The following XYLB variants were observed in gnomAD, a reference collection of about 807,000 sequenced individuals.
The protein encoded by XYLB is xylulose kinase.
A neutral mutation model predicts 78.7 loss-of-function variants in XYLB; 62 were observed. The ratio of observed to expected loss-of-function variants is 0.79; its 90% CI spans 0.64 to 0.97. The LOEUF is 0.97. Ranked by LOEUF, XYLB falls within the 50% of genes least tolerant of loss-of-function variation. The pLI is 0.00. For synonymous variants in XYLB, 245 were observed against 247.4 expected (o/e 0.99, Z 0.09); for missense variants, 687 against 676.8 (o/e 1.02, Z -0.17).
chr3:38,431,467 T>C, the XYLB span, among the ~76,000 whole-genome samples: 1 of 152,214 alleles, frequency 6.6e-6, no homozygotes, highest in African/African-American at 2.4e-5. Context: ...CGATGGGGTT[T>C]TCTAAACATA....
At position 38,379,267 on chromosome 3, in the gene XYLB, G is replaced by A; in HGVS notation, c.1216G>A (p.Val406Met). Residue 406 changes from valine to methionine, a missense_variant, in exon 15 of 19, where the codon GTG (valine) becomes ATG (methionine). Transcript: ENST00000207870. ...NHKVAAFPGD[V>M]EVRALIEGQF... ...ACAGGTTGCAGCATTCCCTGGGGAT[G>A]TGGAGGTTCGAGCACTAATTGAAGG... The A allele has an allele frequency of 6.2e-7, 1 of 1,614,156 alleles. No homozygotes were observed. Among genetic ancestry groups the A allele is most frequent in the Non-Finnish European group, 8.5e-7 (1 of 1,180,036 alleles).
At chr3:38,432,277 A>G in the XYLB span, among the ~76,000 whole-genome samples, 1 of 152,260 alleles carries the variant, frequency 6.6e-6, no homozygotes, top group Non-Finnish European at 1.5e-5. Flanking sequence ...AAAGAAAGAT[A>G]GTTACTTCTG....
chr3:38,389,894 C>T (rs1002895361), intron 15 of XYLB, among the ~76,000 whole-genome samples: 2 of 152,178 alleles, frequency 1.3e-5, no homozygotes, highest in African/African-American at 4.8e-5. Flanking sequence ...TCCATACCAG[C>T]CCAAATGTAG....
intron 9 of XYLB, 148 bp from the exon 10 acceptor site, chr3:38,372,507 G>T: frequency 6.8e-7 from 1 of 1,477,562 alleles, no homozygotes; most frequent in Middle Eastern, 1.8e-4. Context: ...GTGACAGGAA[G>T]TGATGTGACT....
intron 15 of XYLB, among the ~76,000 whole-genome samples, chr3:38,387,697 C>T (rs1390142468): frequency 6.6e-6 from 1 of 152,150 alleles, no homozygotes; most frequent in African/African-American, 2.4e-5. Context: ...TCTATCACAC[C>T]TCTTTTTATT....
chr3:38,437,008 T>A, the XYLB span, among the ~76,000 whole-genome samples: 63 of 110,374 alleles, frequency 5.7e-4, no homozygotes, highest in African/African-American at 2.0e-3. Context: ...CTTCTAAAAA[T>A]AATAATAATA....
chr3:38,383,302 C>A (rs1707236886), intron 15 of XYLB, among the ~76,000 whole-genome samples: 1 of 152,178 alleles, frequency 6.6e-6, no homozygotes, highest in Non-Finnish European at 1.5e-5. Flanking sequence ...GCTGGATTCT[C>A]AACCACTGGC....
In XYLB at chr3:38,346,889, C is replaced by T; in HGVS notation, c.21C>T (p.Arg7=). The change falls in exon 1 of 19, where the codon CGC becomes CGT. Residue 7 remains arginine, a synonymous_variant. Transcript: ENST00000207870. Reference sequence around the variant, plus strand: ...AGGCCATGGCGGAGCACGCCCCTCGCCGCTGCTGCCTGGGCTGGGACTTCA... The same window carrying T: ...AGGCCATGGCGGAGCACGCCCCTCGTCGCTGCTGCCTGGGCTGGGACTTCA... MAEHAP[R]RCCLGWDFST... is the part of the protein sequence containing the mutation. 6.6e-7 allele frequency: 1 copy of T among 1,519,718 alleles called. No homozygotes were observed. Among genetic ancestry groups the T allele is most frequent in the South Asian group, 1.2e-5 (1 of 80,806 alleles). 94.1% of individuals were successfully genotyped at this position (1,519,718 alleles called of 1,614,324 possible).
At chr3:38,426,579 A>G in the XYLB span, among the ~76,000 whole-genome samples, 1 of 152,246 alleles carries the variant, frequency 6.6e-6, no homozygotes, top group African/African-American at 2.4e-5. Flanking sequence ...AGGCTCTGCA[A>G]TTTGAATGAT....
chr3:38,361,771 C>T (rs1374469870), intron 3 of XYLB, among the ~76,000 whole-genome samples: 1 of 152,236 alleles, frequency 6.6e-6, no homozygotes, highest in Non-Finnish European at 1.5e-5. Context: ...GGCTGCACCC[C>T]ACTGCCTGCC....
At chr3:38,367,592 A>G (rs1198752041) in intron 7 of XYLB, among the ~76,000 whole-genome samples, 1 of 152,218 alleles carries the variant, frequency 6.6e-6, no homozygotes, top group East Asian at 1.9e-4. Context: ...TGTGTGTGGA[A>G]CGAAGTTTGC....
rs770912966 is a variant in XYLB at position 38,376,151 on chromosome 3, C to T, written c.1039C>T (p.Arg347Cys). The change falls in exon 13 of 19, where the codon CGC (arginine) becomes TGC (cysteine). Residue 347 changes from arginine (R) to cysteine (C), a missense_variant. Transcript: ENST00000207870. ...TGGCTCCCTCATGAGAGAGAAGATC[C>T]GCAACGAGTCTGTATCCCGTTCCTG... ...KNGSLMREKI[R>C]NESVSRSWSD... is the part of the protein sequence containing the mutation. 1.7e-5 allele frequency: 28 copies of T among 1,613,922 alleles called. No individual in the cohort carries two copies. Among genetic ancestry groups the T allele is most frequent in the South Asian group, 4.4e-5 (4 of 91,080 alleles).
At chr3:38,387,397 G>A (rs561230395) in intron 15 of XYLB, among the ~76,000 whole-genome samples, 1 of 151,658 alleles carries the variant, frequency 6.6e-6, no homozygotes, top group South Asian at 2.1e-4. Context: ...TTGAGACAGA[G>A]TCTTGCTCTG....
the XYLB span, among the ~76,000 whole-genome samples, chr3:38,427,967 T>G: frequency 1.3e-5 from 2 of 152,234 alleles, no homozygotes; most frequent in Non-Finnish European, 2.9e-5. Context: ...ACATAAGCAC[T>G]TAACATTATC....
chr3:38,379,936 G>A (rs1398704828), intron 15 of XYLB, among the ~76,000 whole-genome samples: 1 of 152,126 alleles, frequency 6.6e-6, no homozygotes, highest in Admixed American at 6.5e-5. Context: ...AAGGTTGAGG[G>A]GCCATATCTG....
At chr3:38,366,897 T>C (rs947961056) in intron 7 of XYLB, 24 bp downstream of exon 7, 4 of 1,511,492 alleles carry the variant, frequency 2.6e-6, no homozygotes, top group Non-Finnish European at 2.8e-6. Context: ...TCCTGTTTGA[T>C]TGAAAGTCAC....
At chr3:38,396,286 T>C (rs1473381883) in intron 16 of XYLB, among the ~76,000 whole-genome samples, 1 of 152,152 alleles carries the variant, frequency 6.6e-6, no homozygotes, top group African/African-American at 2.4e-5. Context: ...AGTGAGGATA[T>C]GGTCTTGTCT....
At chr3:38,379,385 A>G (rs751029669) in intron 15 of XYLB, 43 bp downstream of exon 15, 2 of 1,597,194 alleles carry the variant, frequency 1.3e-6, no homozygotes, top group South Asian at 2.2e-5. Flanking sequence ...GTGGGGGCTC[A>G]GGGCCAGCTC....
At chr3:38,361,035 C>CA (rs939214723) in intron 3 of XYLB, among the ~76,000 whole-genome samples, 18 of 150,070 alleles carry the variant, frequency 1.2e-4, no homozygotes, top group East Asian at 5.8e-4. Flanking sequence ...AACTCCATCT[C>CA]AAAAAAAAAG....
Sources: allele counts gnomAD v4.1 joint callset (sites outside exome capture counted in the v4.1 genomes callset), GRCh38; gene constraint gnomAD v4.1.1; transcripts MANE v1.5; gene names NCBI Gene and HGNC (gene_info 2026-07-23, HGNC 2026-07-21).